Variants in PLCB1 observed in about 807,000 individuals in gnomAD.
The protein encoded by PLCB1 is 1-phosphatidylinositol 4,5-bisphosphate phosphodiesterase beta-1.
Under a neutral mutation model 161.8 loss-of-function variants are expected in PLCB1, and 46 were observed. The ratio of observed to expected loss-of-function variants is 0.28; its 90% CI spans 0.22 to 0.36. PLCB1 has a LOEUF of 0.36. Ranked by LOEUF, PLCB1 falls within the 10% of genes least tolerant of loss-of-function variation. The probability of loss-of-function intolerance (pLI) is 1.00; values close to 1 mark genes in which losing one functional copy is unlikely to be tolerated. For synonymous variants in PLCB1, 517 were observed against 503.7 expected (o/e 1.03, Z -0.35); for missense variants, 1,016 against 1,472.5 (o/e 0.69, Z 5.07).
intron 2 of PLCB1, among the ~76,000 whole-genome samples, chr20:8,246,106 A>C (rs1042067135): frequency 2.0e-5 from 3 of 151,950 alleles, no homozygotes; most frequent in Admixed American, 2.0e-4. Context: ...ATCTCATTAC[A>C]TTGCCAATCA....
At chr20:8,686,294 T>G (rs1410205742) in intron 10 of PLCB1, among the ~76,000 whole-genome samples, 2 of 152,230 alleles carry the variant, frequency 1.3e-5, no homozygotes, top group African/African-American at 4.8e-5. Flanking sequence ...GTATAATTTT[T>G]AAAATCTGAG....
At chr20:8,654,105 C>T (rs1298729462) in intron 7 of PLCB1, among the ~76,000 whole-genome samples, 1 of 151,318 alleles carries the variant, frequency 6.6e-6, no homozygotes, top group Admixed American at 6.6e-5. Context: ...ATGACATTAC[C>T]AGGTCTATGG....
At chr20:8,712,527 A>G (rs1306344580) in intron 12 of PLCB1, among the ~76,000 whole-genome samples, 1 of 152,178 alleles carries the variant, frequency 6.6e-6, no homozygotes, top group African/African-American at 2.4e-5. Flanking sequence ...ATAAGACTTG[A>G]AAATATATTT....
chr20:8,497,950 C>A (rs1034925707), intron 3 of PLCB1, among the ~76,000 whole-genome samples: 1 of 152,110 alleles, frequency 6.6e-6, no homozygotes, highest in African/African-American at 2.4e-5. Flanking sequence ...GTCTTCAGAA[C>A]CTCATTTTTC....
At chr20:8,392,321 C>A (rs1037336732) in intron 3 of PLCB1, among the ~76,000 whole-genome samples, 6 of 152,138 alleles carry the variant, frequency 3.9e-5, no homozygotes, top group Non-Finnish European at 7.4e-5. Context: ...GACACGGAAC[C>A]TGTCTACGCC....
At chr20:8,259,519 G>A (rs1981590894) in intron 2 of PLCB1, among the ~76,000 whole-genome samples, 1 of 152,098 alleles carries the variant, frequency 6.6e-6, no homozygotes, top group South Asian at 2.1e-4. Context: ...GGGAGGCTGA[G>A]GTGGGAGGAT....
chr20:8,755,777 A>T (rs1404513173), intron 23 of PLCB1, among the ~76,000 whole-genome samples: 2 of 152,218 alleles, frequency 1.3e-5, no homozygotes. Flanking sequence ...GGCATACTAA[A>T]TTATGTGCTT....
intron 2 of PLCB1, among the ~76,000 whole-genome samples, chr20:8,290,658 G>C (rs1983345463): frequency 6.6e-6 from 1 of 152,124 alleles, no homozygotes. Flanking sequence ...TAAATGGCAA[G>C]GGGATATAGA....
chr20:8,572,580 C>T (rs1986555085), intron 3 of PLCB1, among the ~76,000 whole-genome samples: 1 of 152,306 alleles, frequency 6.6e-6, no homozygotes, highest in South Asian at 2.1e-4. Context: ...GATCCATGGA[C>T]ATTCTGTGCA....
intron 2 of PLCB1, among the ~76,000 whole-genome samples, chr20:8,218,577 A>T (rs1156385534): frequency 6.6e-6 from 1 of 152,060 alleles, no homozygotes; most frequent in Non-Finnish European, 1.5e-5. Flanking sequence ...TATTTTGAAG[A>T]TTAAATAAGT....
chr20:8,428,407 G>A (rs1024652563), intron 3 of PLCB1, among the ~76,000 whole-genome samples: 3 of 152,148 alleles, frequency 2.0e-5, no homozygotes, highest in Admixed American at 2.0e-4. Flanking sequence ...TTTTAGTAGA[G>A]ATGTGGTTTT....
chr20:8,761,316 G>T (rs550486343), intron 25 of PLCB1, among the ~76,000 whole-genome samples: 157 of 152,206 alleles, frequency 1.0e-3, no homozygotes, highest in Admixed American at 1.5e-3. Flanking sequence ...AACCAAAAAG[G>T]AAGGCTTCTG....
intron 3 of PLCB1, among the ~76,000 whole-genome samples, chr20:8,540,371 C>T (rs1341884724): frequency 6.6e-6 from 1 of 152,160 alleles, no homozygotes; most frequent in African/African-American, 2.4e-5. Context: ...TGGCAGCTCA[C>T]TACGCAGCTT....
chr20:8,147,344 G>A (rs73078290), intron 1 of PLCB1, among the ~76,000 whole-genome samples: 4 of 152,086 alleles, frequency 2.6e-5, no homozygotes, highest in African/African-American at 7.2e-5. Flanking sequence ...GAGAGGTAAA[G>A]GATTAAAATA....
At chr20:8,198,365 A>C (rs1376386600) in intron 2 of PLCB1, among the ~76,000 whole-genome samples, 1 of 152,122 alleles carries the variant, frequency 6.6e-6, no homozygotes, top group Non-Finnish European at 1.5e-5. Context: ...CTCCTTGAAG[A>C]AGTCCTTCAC....
chr20:8,368,047 T>C (rs1187226006), intron 2 of PLCB1, among the ~76,000 whole-genome samples: 2 of 152,218 alleles, frequency 1.3e-5, no homozygotes, highest in Admixed American at 1.3e-4. Context: ...TTAACTACCC[T>C]TCCGTGGCTT....
intron 4 of PLCB1, among the ~76,000 whole-genome samples, chr20:8,640,054 A>G (rs763593462): frequency 6.6e-6 from 1 of 152,230 alleles, no homozygotes; most frequent in Non-Finnish European, 1.5e-5. Flanking sequence ...TACCCTCTTC[A>G]TTTGAAGAGA....
intron 2 of PLCB1, among the ~76,000 whole-genome samples, chr20:8,320,016 AAAAG>A (rs1431379550): frequency 1.5e-4 from 23 of 152,276 alleles, no homozygotes; most frequent in East Asian, 9.7e-4. Context: ...ATTTTTTAAA[AAAAG>A]AAAGAAAGTG....
At chr20:8,750,152 A>G (rs1981381394) in intron 23 of PLCB1, among the ~76,000 whole-genome samples, 1 of 152,028 alleles carries the variant, frequency 6.6e-6, no homozygotes, top group Non-Finnish European at 1.5e-5. Flanking sequence ...AATGCTGTTG[A>G]CTCATGTGAG....
Sources: allele counts gnomAD v4.1 joint callset (sites outside exome capture counted in the v4.1 genomes callset), GRCh38; gene constraint gnomAD v4.1.1; transcripts MANE v1.5; gene names NCBI Gene and HGNC (gene_info 2026-07-23, HGNC 2026-07-21).